Variants in P2RX5 observed in about 807,000 individuals in gnomAD.
The protein encoded by P2RX5 is purinergic receptor P2X 5.
Under a neutral mutation model 54.1 loss-of-function variants are expected in P2RX5, and 46 were observed. The observed-to-expected ratio is 0.85, with a 90% confidence interval of 0.67 to 1.09. P2RX5 has a LOEUF of 1.09. Among genes scored for constraint, P2RX5 ranks in the 50% least tolerant of loss-of-function variants. The probability of loss-of-function intolerance (pLI) is 0.00; values close to 1 mark genes in which losing one functional copy is unlikely to be tolerated. For missense variants in P2RX5, 566 were observed against 549.8 expected (o/e 1.03, Z -0.29); for synonymous variants, 226 against 226.4 (o/e 1.00, Z 0.02).
At chr17:3,695,820 A>G in intron 1 of P2RX5, 49 bp downstream of exon 1, 15 of 1,479,262 alleles carry the variant, frequency 1.0e-5, no homozygotes, top group African/African-American at 1.4e-5. Flanking sequence ...GGCGGCTGGC[A>G]CCCGCCCTGC....
At chr17:3,691,226 C>G (rs1220734151) in intron 2 of P2RX5, among the ~76,000 whole-genome samples, 199 bp from the exon 3 acceptor site, 5 of 152,238 alleles carry the variant, frequency 3.3e-5, no homozygotes, top group Admixed American at 6.5e-5. Flanking sequence ...CTCCTCCAGA[C>G]TCACAAACCC....
At chr17:3,723,594 G>T in the P2RX5 span, 1 of 1,329,896 alleles carries the variant, frequency 7.5e-7, no homozygotes, top group Non-Finnish European at 1.0e-6. Flanking sequence ...GCACTGGCCG[G>T]CAGGGGTAAC....
At chr17:3,677,141 C>T in intron 11 of P2RX5, 1 of 985,394 alleles carries the variant, frequency 1.0e-6, no homozygotes, top group Non-Finnish European at 1.2e-6. Context: ...GTGGGTGTGG[C>T]CGTGGCATAA....
At chr17:3,703,814 A>T in the P2RX5 span, among the ~76,000 whole-genome samples, 1 of 151,360 alleles carries the variant, frequency 6.6e-6, no homozygotes, top group Non-Finnish European at 1.5e-5. Flanking sequence ...ACATTTAAAA[A>T]CCCCAGCCGG....
At chr17:3,689,426 C>T (rs1044585445) in intron 7 of P2RX5, 66 bp downstream of exon 7, 25 of 1,591,934 alleles carry the variant, frequency 1.6e-5, no homozygotes, top group African/African-American at 6.7e-5. Context: ...ACACCCTCCT[C>T]GTCACAGAGC....
the P2RX5 span, chr17:3,723,560 C>T: frequency 1.8e-6 from 2 of 1,105,940 alleles, no homozygotes; most frequent in African/African-American, 1.6e-5. Context: ...AGGGACGAAG[C>T]TAGGGAGGGC....
At chr17:3,673,935 G>A in intron 11 of P2RX5, 58 bp from the exon 12 acceptor site, 2 of 1,483,274 alleles carry the variant, frequency 1.3e-6, no homozygotes, top group Non-Finnish European at 1.9e-6. Flanking sequence ...TCTTCCCAGT[G>A]AGGCAACCAG....
In P2RX5 at chr17:3,696,066, G is replaced by T. The variant is rs913772446; in HGVS notation, c.-61C>A. ...CCACGTGCGCTCATGGGGAGCACTCGGTCCCTCGGTCCCTGCGCGCCCGGC... is the reference window on the plus strand; with the variant it reads ...CCACGTGCGCTCATGGGGAGCACTCTGTCCCTCGGTCCCTGCGCGCCCGGC... On this transcript the variant is annotated 5_prime_UTR_variant, in exon 1 of 12. Coordinates refer to ENST00000225328, the MANE Select transcript of P2RX5 (RefSeq NM_002561.4). The T allele has an allele frequency of 6.4e-7, 1 of 1,566,646 alleles. No individual in the cohort carries two copies.
Position 3,689,489 on chromosome 17 carries a change from C to G in P2RX5, c.753+3G>C, listed in dbSNP as rs776883432. 1.9e-6 allele frequency: 3 copies of G among 1,614,022 alleles called. No individual in the cohort carries two copies. The East Asian group carries it at 6.7e-5, about 36-fold the overall frequency. On this transcript the variant is annotated splice_donor_region_variant and intron_variant, in intron 7 of 11. Coordinates refer to ENST00000225328, the MANE Select transcript of P2RX5 (RefSeq NM_002561.4). ...GAGGGCTCCCTGCGTGCACCCCACC[C>G]ACCTCCAGGGCTATATCCTGGAAGT...
chr17:3,691,874 G>T, intron 1 of P2RX5, 80 bp from the exon 2 acceptor site: 1 of 1,437,652 alleles, frequency 7.0e-7, no homozygotes, highest in Non-Finnish European at 9.8e-7. Flanking sequence ...GGGTGGGGTA[G>T]CAGTCACAGC....
chr17:3,690,386 G>A, intron 5 of P2RX5, 41 bp downstream of exon 5: 1 of 1,487,738 alleles, frequency 6.7e-7, no homozygotes, highest in Non-Finnish European at 9.3e-7. Flanking sequence ...ACCGCACGGG[G>A]CTGGGAAACC....
the P2RX5 span, among the ~76,000 whole-genome samples, chr17:3,715,966 C>A: frequency 3.3e-5 from 5 of 151,984 alleles, no homozygotes; most frequent in African/African-American, 1.2e-4. Flanking sequence ...ACCAGCCTGG[C>A]CAATATGGTG....
chr17:3,677,049 G>A (rs761718123), intron 11 of P2RX5: 29 of 975,934 alleles, frequency 3.0e-5, no homozygotes, highest in South Asian at 4.7e-5. Flanking sequence ...GTGACAGAGC[G>A]AGACTCTATT....
chr17:3,711,945 T>TC, the P2RX5 span, among the ~76,000 whole-genome samples: 1 of 37,162 alleles, frequency 2.7e-5, no homozygotes. Flanking sequence ...CTGATGTAGT[T>TC]CCCCCGATTA....
At chr17:3,719,598 A>G in the P2RX5 span, among the ~76,000 whole-genome samples, 1 of 152,272 alleles carries the variant, frequency 6.6e-6, no homozygotes, top group African/African-American at 2.4e-5. Context: ...TCCAGTATCT[A>G]GTCTAAATCT....
intron 9 of P2RX5, chr17:3,685,383 T>C (rs2050413727): frequency 6.5e-6 from 1 of 153,286 alleles, no homozygotes; most frequent in Non-Finnish European, 1.5e-5. Flanking sequence ...CCCACGCCTA[T>C]TCTGATCTTG....
At chr17:3,701,564 T>C in the P2RX5 span, among the ~76,000 whole-genome samples, 1 of 151,872 alleles carries the variant, frequency 6.6e-6, no homozygotes, top group Non-Finnish European at 1.5e-5. Flanking sequence ...TGGTGGCGCA[T>C]GCCTGTAATC....
At chr17:3,674,707 C>T (rs1237363547) in intron 11 of P2RX5, among the ~76,000 whole-genome samples, 2 of 152,210 alleles carry the variant, frequency 1.3e-5, no homozygotes, top group African/African-American at 4.8e-5. Flanking sequence ...CATATCAAAG[C>T]GTCTCTTCAC....
chr17:3,701,893 C>G, the P2RX5 span, among the ~76,000 whole-genome samples: 2 of 151,656 alleles, frequency 1.3e-5, no homozygotes, highest in Non-Finnish European at 2.9e-5. Context: ...ATAGCTGGGA[C>G]TACAGGCACA....
Sources: allele counts gnomAD v4.1 joint callset (sites outside exome capture counted in the v4.1 genomes callset), GRCh38; gene constraint gnomAD v4.1.1; transcripts MANE v1.5; gene names NCBI Gene and HGNC (gene_info 2026-07-23, HGNC 2026-07-21).